GANC: variants seen among roughly 807,000 people sequenced by gnomAD.
GANC encodes the protein glucosidase alpha, neutral C.
A neutral mutation model predicts 124.2 loss-of-function variants in GANC; 117 were observed. The ratio of observed to expected loss-of-function variants is 0.94; its 90% CI spans 0.81 to 1.10. GANC has a LOEUF of 1.10. GANC is among the 50% of genes least tolerant of loss of function. GANC has a pLI of 0.00. For missense variants in GANC, 1,140 were observed against 1,095.0 expected (o/e 1.04, Z -0.58); for synonymous variants, 377 against 376.8 (o/e 1.00, Z -0.01).
chr15:42,323,094 C>A (rs538574272), intron 11 of GANC, among the ~76,000 whole-genome samples: 1 of 152,106 alleles, frequency 6.6e-6, no homozygotes, highest in Non-Finnish European at 1.5e-5. Flanking sequence ...TTCCATCCAG[C>A]GATGACAAAA....
At chr15:42,350,859 C>T (rs911929810) in intron 22 of GANC, among the ~76,000 whole-genome samples, 1 of 138,378 alleles carries the variant, frequency 7.2e-6, no homozygotes, top group Non-Finnish European at 1.5e-5. Flanking sequence ...CCCAGCGAGT[C>T]GTCTTTTATT....
At chr15:42,280,890 G>T in intron 3 of GANC, 1 of 692,670 alleles carries the variant, frequency 1.4e-6, no homozygotes, top group South Asian at 1.5e-5. Flanking sequence ...TTTGGATCCT[G>T]AAAAAGTGAG....
intron 4 of GANC, 138 bp from the exon 5 acceptor site, chr15:42,292,597 T>G: frequency 2.6e-6 from 2 of 771,876 alleles, no homozygotes; most frequent in Non-Finnish European, 4.0e-6. Flanking sequence ...AATGCTCTCA[T>G]TAACTTTTCT....
intron 5 of GANC, among the ~76,000 whole-genome samples, chr15:42,293,271 C>T (rs1408792842): frequency 3.9e-5 from 6 of 152,136 alleles, no homozygotes. Context: ...ACAAATTACC[C>T]TAGACTTGAA....
At chr15:42,349,237 G>A in intron 21 of GANC, 146 bp from the exon 22 acceptor site, 1 of 607,998 alleles carries the variant, frequency 1.6e-6, no homozygotes, top group Non-Finnish European at 2.9e-6. Context: ...ATTGGCTATT[G>A]AATATGTTAG....
At chr15:42,287,618 T>G in intron 3 of GANC, 73 bp from the exon 4 acceptor site, 4 of 1,493,286 alleles carry the variant, frequency 2.7e-6, no homozygotes, top group Non-Finnish European at 3.6e-6. Flanking sequence ...ACTTTCCTAA[T>G]TATTGTAATT....
intron 5 of GANC, among the ~76,000 whole-genome samples, chr15:42,293,355 A>G (rs2051860777): frequency 6.6e-6 from 1 of 152,186 alleles, no homozygotes; most frequent in Admixed American, 6.5e-5. Context: ...ATGAATTAGG[A>G]GGTGGTGGTA....
At chr15:42,343,791 C>G (rs1179063187) in intron 19 of GANC, among the ~76,000 whole-genome samples, 2 of 152,120 alleles carry the variant, frequency 1.3e-5, no homozygotes, top group African/African-American at 4.8e-5. Context: ...CCTTCAGAGA[C>G]AGGCCACAGA....
At chr15:42,338,308 T>A in intron 15 of GANC, 81 bp from the exon 16 acceptor site, 1 of 842,550 alleles carries the variant, frequency 1.2e-6, no homozygotes, top group Non-Finnish European at 1.8e-6. Flanking sequence ...TAAGTTGTCT[T>A]TTACAAATAA....
chr15:42,345,807 T>C lies in GANC; in HGVS notation c.2279T>C (p.Val760Ala). 2 of 1,611,754 alleles carry C rather than the reference T, an allele frequency of 1.2e-6. No homozygotes were observed. The highest frequency in any genetic ancestry group is 1.1e-5 in the South Asian group (1 of 91,000). The change falls in exon 20 of 24, where the codon GTA becomes GCA. Residue 760 changes from valine to alanine, a missense_variant. Val to Ala is a moderately conservative substitution (Grantham distance 64, BLOSUM62 0). Transcript: ENST00000318010. Reference sequence around the variant, plus strand: ...GCTCATTGGGAAGGAGGGTGTACTGTAAAGATCCCAGTAGCCTTGGACACT... The same window carrying C: ...GCTCATTGGGAAGGAGGGTGTACTGCAAAGATCCCAGTAGCCTTGGACACT... ...TFAHWEGGCT[V>A]KIPVALDTIP...
chr15:42,353,584 T>C lies in GANC; in HGVS notation c.*1445T>C, dbSNP rs371146349. ...GTTTCTCTTCTGTCTGACAGAGCAC[T>C]ATTATACCTGACTTTCAGTAACTGT... On this transcript the variant is annotated 3_prime_UTR_variant, in exon 24 of 24. Coordinates refer to ENST00000318010, the MANE Select transcript of GANC (RefSeq NM_198141.3). The C allele has an allele frequency of 5.6e-5, 55 of 985,714 alleles. 1 individual carries two copies. In the East Asian group the frequency reaches 2.2e-3, roughly 39 times the overall value. 61.1% of individuals were successfully genotyped at this position (985,714 alleles called of 1,614,324 possible).
chr15:42,280,661 T>C (rs1566948555), intron 3 of GANC, among the ~76,000 whole-genome samples: 1 of 152,188 alleles, frequency 6.6e-6, no homozygotes, highest in Non-Finnish European at 1.5e-5. Context: ...GAGAGAGTTG[T>C]AGTTGTCCAT....
At chr15:42,285,335 C>A (rs892736544) in intron 3 of GANC, among the ~76,000 whole-genome samples, 1 of 152,138 alleles carries the variant, frequency 6.6e-6, no homozygotes, top group African/African-American at 2.4e-5. Context: ...CTGAGCCATT[C>A]CCCACTGTCT....
rs1340303178 is a variant in GANC, at chr15:42,352,962, A to T, written c.*823A>T. On this transcript the variant is annotated 3_prime_UTR_variant, in exon 24 of 24. Coordinates refer to ENST00000318010, the MANE Select transcript of GANC (RefSeq NM_198141.3). ...ACAAAATGTAAGGGATGCCAAAAAA[A>T]TACAGTAATCAAAGTAAGTAATATT... is the stretch of plus-strand genomic sequence containing the variant. The T allele has an allele frequency of 3.4e-6, 2 of 591,350 alleles. No individual in the cohort carries two copies. The highest frequency in any genetic ancestry group is 7.7e-5 in the South Asian group (1 of 13,048). The allele number at this position is 591,350 out of a possible 1,614,324, so 36.6% of individuals were successfully genotyped here. A position where few individuals can be genotyped will look rare whatever the true frequency, so the allele number is the denominator to read the frequency against.
chr15:42,312,313 G>C (rs540138917), intron 10 of GANC, among the ~76,000 whole-genome samples: 2 of 152,202 alleles, frequency 1.3e-5, no homozygotes, highest in Non-Finnish European at 2.9e-5. Flanking sequence ...TTGTGGGAGA[G>C]ACCCGGTGGG....
chr15:42,289,242 C>T (rs2051819768), intron 4 of GANC, among the ~76,000 whole-genome samples: 1 of 152,170 alleles, frequency 6.6e-6, no homozygotes, highest in African/African-American at 2.4e-5. Context: ...GAACTGAGTT[C>T]CCCATTTTGC....
rs1320449643 is a variant in GANC at position 42,280,479 on chromosome 15, G to A, written c.201+1889G>A. On this transcript the variant is annotated intron_variant, in intron 3 of 23. Coordinates refer to ENST00000318010, the MANE Select transcript of GANC (RefSeq NM_198141.3). ...CATGTGGTCTAATAGCCTGACACCC[G>A]GCCAGACCCTTCTATTCAGGGTCAG... 3.3e-5 allele frequency among the ~76,000 whole-genome samples: 5 copies of A among 152,218 alleles called. No individual in the cohort carries two copies. In the South Asian group the frequency reaches 1.0e-3, roughly 32 times the overall value.
intron 3 of GANC, chr15:42,284,300 A>G (rs2051764244): frequency 2.5e-6 from 1 of 400,632 alleles, no homozygotes; most frequent in Non-Finnish European, 4.5e-6. Context: ...TTTTAATGTA[A>G]TTGTGATCAA....
rs1444001214 is a variant in GANC at position 42,345,747 on chromosome 15, T to C, written c.2230-11T>C. Reference sequence around the variant, plus strand: ...ATGTACTCTTTTTTACTGGACTCTGTTACTTTCTAGGTCTGGTATGACTAT... The same window carrying C: ...ATGTACTCTTTTTTACTGGACTCTGCTACTTTCTAGGTCTGGTATGACTAT... On this transcript the variant is annotated splice_polypyrimidine_tract_variant and intron_variant, in intron 19 of 23. Coordinates refer to ENST00000318010, the MANE Select transcript of GANC (RefSeq NM_198141.3). 6.3e-7 allele frequency: 1 copy of C among 1,589,814 alleles called. No homozygotes were observed. Among genetic ancestry groups the C allele is most frequent in the African/African-American group, 1.3e-5 (1 of 74,278 alleles).
Sources: allele counts gnomAD v4.1 joint callset (sites outside exome capture counted in the v4.1 genomes callset), GRCh38; gene constraint gnomAD v4.1.1; transcripts MANE v1.5; gene names NCBI Gene and HGNC (gene_info 2026-07-23, HGNC 2026-07-21).